Variants in NDUFAF2 observed in about 807,000 individuals in gnomAD.
NDUFAF2 encodes the protein NADH:ubiquinone oxidoreductase complex assembly factor 2, also known as NADH dehydrogenase [ubiquinone] 1 alpha subcomplex assembly factor 2.
In NDUFAF2, 13 loss-of-function variants were observed where a neutral mutation model predicts 22.8. That is an observed-to-expected ratio of 0.57 (90% CI 0.37 to 0.91). The LOEUF is 0.91. Among genes scored for constraint, NDUFAF2 ranks in the 40% least tolerant of loss-of-function variants. NDUFAF2 has a pLI of 0.01. For missense variants in NDUFAF2, 162 were observed against 195.2 expected (o/e 0.83, Z 1.01); for synonymous variants, 53 against 64.2 (o/e 0.83, Z 0.84).
At chr5:61,035,106 G>A (rs370395209) in intron 1 of NDUFAF2, among the ~76,000 whole-genome samples, 4 of 149,548 alleles carry the variant, frequency 2.7e-5, no homozygotes, top group Non-Finnish European at 5.9e-5. Flanking sequence ...TCACTCTGTC[G>A]CCCAGGCTGG....
chr5:61,147,408 C>A (rs2111832279), intron 3 of NDUFAF2, among the ~76,000 whole-genome samples: 1 of 121,354 alleles, frequency 8.2e-6, no homozygotes, highest in Admixed American at 8.5e-5. Context: ...GCCACCAGGC[C>A]TGGCTAATTT....
intron 2 of NDUFAF2, chr5:61,083,239 A>G (rs1236365893): frequency 6.6e-6 from 1 of 151,406 alleles, no homozygotes; most frequent in African/African-American, 2.4e-5. Flanking sequence ...TTGATTTATT[A>G]AAGTTTCTTA....
At chr5:60,945,447 A>C in intron 1 of NDUFAF2, 65 bp downstream of exon 1, 1 of 1,610,720 alleles carries the variant, frequency 6.2e-7, no homozygotes, top group Non-Finnish European at 8.5e-7. Context: ...AGGAGGGAAA[A>C]GTGAGAGCCC....
chr5:60,991,919 A>G (rs556660065), intron 1 of NDUFAF2, among the ~76,000 whole-genome samples: 6 of 152,280 alleles, frequency 3.9e-5, no homozygotes, highest in Admixed American at 2.6e-4. Context: ...CACCAACAGT[A>G]TACAAGGGTT....
intron 1 of NDUFAF2, among the ~76,000 whole-genome samples, chr5:60,951,103 C>T (rs909186535): frequency 5.9e-5 from 9 of 152,068 alleles, no homozygotes; most frequent in South Asian, 2.1e-4. Context: ...GATATTGGCT[C>T]GGTGCAACCT....
chr5:61,104,405 C>T (rs1752738001), intron 3 of NDUFAF2, among the ~76,000 whole-genome samples: 1 of 151,886 alleles, frequency 6.6e-6, no homozygotes, highest in African/African-American at 2.4e-5. Context: ...GGTTTACAGG[C>T]AGTAGAAAAA....
chr5:60,993,581 A>T (rs369913692), intron 1 of NDUFAF2, among the ~76,000 whole-genome samples: 3 of 151,976 alleles, frequency 2.0e-5, no homozygotes, highest in South Asian at 4.2e-4. Context: ...CAACCTGGTC[A>T]TCATGTTAAG....
chr5:61,069,789 C>T (rs2111727194), intron 1 of NDUFAF2, among the ~76,000 whole-genome samples: 1 of 152,132 alleles, frequency 6.6e-6, no homozygotes, highest in East Asian at 1.9e-4. Context: ...TTCTTCCTTC[C>T]TTTCTTTCTT....
In NDUFAF2 at chr5:61,140,552, G is replaced by A. The variant is rs576006110; in HGVS notation, c.259-12152G>A. Among the ~76,000 whole-genome samples the A allele has an allele frequency of 5.9e-5, 9 of 152,274 alleles. No individual in the cohort carries two copies. The South Asian group carries it at 1.9e-3, about 32-fold the overall frequency. On this transcript the variant is annotated intron_variant, in intron 3 of 3. Coordinates refer to ENST00000296597, the MANE Select transcript of NDUFAF2 (RefSeq NM_174889.5). Reference sequence around the variant, plus strand: ...AGATGAACAAGGGATAATTTTACATGTATGTCCCATATAATTTTTAGGACA... The same window carrying A: ...AGATGAACAAGGGATAATTTTACATATATGTCCCATATAATTTTTAGGACA...
chr5:60,974,196 A>G (rs931687646), intron 1 of NDUFAF2, among the ~76,000 whole-genome samples: 5 of 152,194 alleles, frequency 3.3e-5, no homozygotes, highest in Non-Finnish European at 5.9e-5. Context: ...AGAAAGTGGA[A>G]TGAGCAGACT....
At chr5:61,065,708 G>T (rs2111720900) in intron 1 of NDUFAF2, among the ~76,000 whole-genome samples, 1 of 152,138 alleles carries the variant, frequency 6.6e-6, no homozygotes, top group South Asian at 2.1e-4. Context: ...TGTAATAAAG[G>T]CCATTTATTA....
chr5:60,992,461 C>T (rs79557482), intron 1 of NDUFAF2, among the ~76,000 whole-genome samples: 1,708 of 151,956 alleles, frequency 0.011, 27 homozygotes, highest in Non-Finnish European at 0.016. Flanking sequence ...TTTTTTTAAT[C>T]CATTTTGATT....
intron 3 of NDUFAF2, chr5:61,116,474 C>G (rs1259558716): frequency 6.6e-6 from 1 of 152,076 alleles, no homozygotes; most frequent in Admixed American, 6.6e-5. Flanking sequence ...AAATGTTTAA[C>G]TGAAGGGTTA....
intron 3 of NDUFAF2, among the ~76,000 whole-genome samples, chr5:61,152,343 C>G (rs1741256305): frequency 6.6e-6 from 1 of 151,168 alleles, no homozygotes; most frequent in East Asian, 1.9e-4. Flanking sequence ...TGGAAAAGTA[C>G]AGTCACTGAG....
intron 3 of NDUFAF2, among the ~76,000 whole-genome samples, chr5:61,117,813 T>C (rs1752930617): frequency 1.3e-5 from 2 of 152,124 alleles, no homozygotes; most frequent in Admixed American, 1.3e-4. Context: ...ACTACTAAGC[T>C]CTGCCATTGT....
At chr5:61,107,913 G>A (rs373622317) in intron 3 of NDUFAF2, among the ~76,000 whole-genome samples, 3,654 of 147,652 alleles carry the variant, frequency 0.025, 68 homozygotes, top group Non-Finnish European at 0.038. Flanking sequence ...GAGAAGATGC[G>A]GTGTTTGGTT....
chr5:60,965,745 C>A (rs1037693944), intron 1 of NDUFAF2, among the ~76,000 whole-genome samples: 1 of 152,158 alleles, frequency 6.6e-6, no homozygotes, highest in South Asian at 2.1e-4. Context: ...ATATATACCA[C>A]ATTTTCCTTA....
intron 1 of NDUFAF2, among the ~76,000 whole-genome samples, chr5:60,994,800 C>G (rs1291144176): frequency 6.6e-6 from 1 of 152,116 alleles, no homozygotes; most frequent in Non-Finnish European, 1.5e-5. Flanking sequence ...CTCTTTCTGC[C>G]TCCTCATTAA....
chr5:61,089,629 AT>A (rs942047101), intron 2 of NDUFAF2, among the ~76,000 whole-genome samples: 1 of 152,110 alleles, frequency 6.6e-6, no homozygotes, highest in Non-Finnish European at 1.5e-5. Flanking sequence ...ACAATTATAA[AT>A]ATACAAGCTT....
Sources: gnomAD v4.1 joint callset for allele counts (sites outside exome capture counted in the v4.1 genomes callset) on GRCh38, gnomAD v4.1.1 for gene constraint, MANE v1.5 for transcripts, NCBI Gene and HGNC (gene_info 2026-07-23, HGNC 2026-07-21) for gene names.